NT5DC3: variants seen among roughly 807,000 people sequenced by gnomAD.
The protein encoded by NT5DC3 is 5'-nucleotidase domain-containing protein 3.
NT5DC3 carries 42 observed loss-of-function variants against 67.8 expected under a neutral mutation model. The ratio of observed to expected loss-of-function variants is 0.62; its 90% CI spans 0.48 to 0.80. NT5DC3 has a LOEUF of 0.80. NT5DC3 is among the 30% of genes least tolerant of loss of function. The pLI is 0.00. For missense variants in NT5DC3, 570 were observed against 696.4 expected (o/e 0.82, Z 2.04); for synonymous variants, 237 against 255.6 (o/e 0.93, Z 0.69).
the NT5DC3 span, among the ~76,000 whole-genome samples, chr12:103,756,996 A>AAT: frequency 0.15 from 8,147 of 55,154 alleles, 302 homozygotes; most frequent in Non-Finnish European, 0.17. Context: ...AAGGAGGGAA[A>AAT]ATATATATAT....
chr12:103,806,497 C>T lies in NT5DC3; in HGVS notation c.469-120G>A, dbSNP rs1593412882. On this transcript the variant is annotated intron_variant, in intron 3 of 13. Transcript: ENST00000392876. ...TAGGCTGCCCTAACAAGGAAGCACA[C>T]TGTATATTCCTGAAAGGGTTGCTTG... The T allele has an allele frequency of 7.1e-6, 5 of 704,954 alleles. 1 individual carries two copies. In the South Asian group the frequency reaches 8.1e-5, roughly 11 times the overall value. The allele number at this position is 704,954 out of a possible 1,614,324, so 43.7% of individuals were successfully genotyped here.
the NT5DC3 span, chr12:103,763,680 A>T: frequency 3.0e-6 from 4 of 1,337,820 alleles, no homozygotes; most frequent in African/African-American, 4.4e-5. Flanking sequence ...AGGAAATTTC[A>T]GTGGAGATCT....
At chr12:103,770,607 T>A (rs1178882446), downstream of NT5DC3, 1 of 152,092 alleles carries the variant, frequency 6.6e-6, no homozygotes, top group Non-Finnish European at 1.5e-5. Flanking sequence ...ACTAATGTGG[T>A]TTATTTTTTG....
chr12:103,779,237 C>G (rs1048240525), intron 13 of NT5DC3, among the ~76,000 whole-genome samples: 5 of 152,222 alleles, frequency 3.3e-5, no homozygotes, highest in Non-Finnish European at 5.9e-5. Flanking sequence ...CCATAACCCC[C>G]TGCAGTCATC....
chr12:103,784,803 T>C (rs1271362046), intron 12 of NT5DC3, among the ~76,000 whole-genome samples: 1 of 152,160 alleles, frequency 6.6e-6, no homozygotes, highest in African/African-American at 2.4e-5. Flanking sequence ...CTAACTTAAC[T>C]TAAGGAAGTA....
intron 9 of NT5DC3, among the ~76,000 whole-genome samples, chr12:103,791,186 G>A (rs1024041486): frequency 6.6e-6 from 1 of 152,074 alleles, no homozygotes; most frequent in African/African-American, 2.4e-5. Flanking sequence ...ATGTTTGGGG[G>A]AGAGGGCTGA....
chr12:103,794,140 A>ATTT, intron 6 of NT5DC3, 143 bp from the exon 7 acceptor site: 1 of 476,794 alleles, frequency 2.1e-6, no homozygotes, highest in South Asian at 3.2e-5. Context: ...ATTCTGGTCC[A>ATTT]TTTTCTTCTT....
In NT5DC3 at chr12:103,825,523, G is replaced by A. The variant is rs184478713; in HGVS notation, c.209-10402C>T. Reference sequence around the variant, plus strand: ...AAAAGAAAATTGTGCATGGCACAGTGGCTCACACTTGTAATCCCAATGCTT... The same window carrying A: ...AAAAGAAAATTGTGCATGGCACAGTAGCTCACACTTGTAATCCCAATGCTT... On this transcript the variant is annotated intron_variant, in intron 1 of 13. Coordinates refer to ENST00000392876, the MANE Select transcript of NT5DC3 (RefSeq NM_001031701.3). Among the ~76,000 whole-genome samples, 9 of 152,354 alleles carry A rather than the reference G, an allele frequency of 5.9e-5. No individual in the cohort carries two copies. In the East Asian group the frequency reaches 1.3e-3, roughly 23 times the overall value.
chr12:103,760,124 A>G, the NT5DC3 span, among the ~76,000 whole-genome samples: 1 of 152,196 alleles, frequency 6.6e-6, no homozygotes, highest in East Asian at 1.9e-4. Context: ...TCTGGAACAG[A>G]AGGGGCACTT....
At chr12:103,749,443 A>G in the NT5DC3 span, among the ~76,000 whole-genome samples, 1 of 152,182 alleles carries the variant, frequency 6.6e-6, no homozygotes, top group Non-Finnish European at 1.5e-5. Flanking sequence ...GTTATGTTGG[A>G]CATCAGGGGA....
Position 103,841,171 on chromosome 12 carries a change from G to A in NT5DC3, c.-15C>T, listed in dbSNP as rs1358967595. On this transcript the variant is annotated 5_prime_UTR_variant, in exon 1 of 14. Transcript: ENST00000392876. ...GCCATGGTCATGCCTGCTGCCTGCT[G>A]CCGCCACCGCCGCCGCGCCGCTCTG... 1.5e-6 allele frequency: 1 copy of A among 646,026 alleles called. No homozygotes were observed. The highest frequency in any genetic ancestry group is 2.0e-5 in the South Asian group (1 of 51,114). 40.0% of individuals were successfully genotyped at this position (646,026 alleles called of 1,614,324 possible).
chr12:103,775,849 A>AAAT lies in NT5DC3; in HGVS notation c.*1979_*1980insATT, dbSNP rs1232428464. 2.0e-5 allele frequency: 3 copies of AAAT among 152,216 alleles called. No individual in the cohort carries two copies. 9.4% of individuals were successfully genotyped at this position (152,216 alleles called of 1,614,324 possible). ...ACAAAGGATGCTATATAACTCATTA[A>AAAT]GTTTCTGCCATCTGGCAAGGAGCCC... On this transcript the variant is annotated 3_prime_UTR_variant, in exon 14 of 14. Coordinates refer to ENST00000392876, the MANE Select transcript of NT5DC3 (RefSeq NM_001031701.3).
chr12:103,778,193 T>G, intron 13 of NT5DC3, 112 bp from the exon 14 acceptor site: 1 of 1,136,562 alleles, frequency 8.8e-7, no homozygotes, highest in Non-Finnish European at 1.2e-6. Context: ...TAGGACTCAT[T>G]TGAGAAACAT....
At chr12:103,787,659 G>T in intron 10 of NT5DC3, 132 bp from the exon 11 acceptor site, 2 of 499,258 alleles carry the variant, frequency 4.0e-6, no homozygotes, top group Non-Finnish European at 7.1e-6. Context: ...AAAGATAAAA[G>T]CACCTTCATG....
chr12:103,767,503 G>A (rs753006094), downstream of NT5DC3, among the ~76,000 whole-genome samples: 7 of 152,168 alleles, frequency 4.6e-5, no homozygotes, highest in Non-Finnish European at 1.0e-4. Context: ...AATATACTAA[G>A]AAACACGAAA....
intron 4 of NT5DC3, among the ~76,000 whole-genome samples, chr12:103,805,572 G>A (rs1408424998): frequency 3.3e-5 from 5 of 152,106 alleles, no homozygotes; most frequent in African/African-American, 4.8e-5. Flanking sequence ...ACGCCCGGGC[G>A]TGGTGACTCA....
rs564562834 is a variant in NT5DC3 at position 103,796,502 on chromosome 12, A to C, written c.753+392T>G. On this transcript the variant is annotated intron_variant, in intron 6 of 13. Coordinates refer to ENST00000392876, the MANE Select transcript of NT5DC3 (RefSeq NM_001031701.3). ...GATCACGCCACTGCACTCCAGCCTG[A>C]GTGACAGAGCAAGACTCTGTTCAAA... Among the ~76,000 whole-genome samples, 10 of 151,836 alleles carry C rather than the reference A, an allele frequency of 6.6e-5. No individual in the cohort carries two copies. The South Asian group carries it at 1.9e-3, about 29-fold the overall frequency.
chr12:103,814,289 C>T (rs111323343), intron 2 of NT5DC3, among the ~76,000 whole-genome samples: 2 of 152,206 alleles, frequency 1.3e-5, no homozygotes, highest in African/African-American at 4.8e-5. Flanking sequence ...GAAGAACTTC[C>T]CAAAAATCAG....
At chr12:103,838,290 C>T (rs1396885659) in intron 1 of NT5DC3, among the ~76,000 whole-genome samples, 1 of 152,200 alleles carries the variant, frequency 6.6e-6, no homozygotes, top group Non-Finnish European at 1.5e-5. Context: ...CAAACCATAT[C>T]ACAAGGTGAT....
Sources: allele counts gnomAD v4.1 joint callset (sites outside exome capture counted in the v4.1 genomes callset), GRCh38; gene constraint gnomAD v4.1.1; transcripts MANE v1.5; gene names NCBI Gene and HGNC (gene_info 2026-07-23, HGNC 2026-07-21).